CATSPER2: variants seen among roughly 807,000 people sequenced by gnomAD.
The protein encoded by CATSPER2 is cation channel sperm associated 2.
CATSPER2 carries 56 observed loss-of-function variants against 68.8 expected under a neutral mutation model. That is an observed-to-expected ratio of 0.81 (90% CI 0.66 to 1.02). The LOEUF (loss-of-function observed/expected upper bound fraction) is 1.02, where lower values mean the gene tolerates loss of function less well. Among genes scored for constraint, CATSPER2 ranks in the 50% least tolerant of loss-of-function variants. CATSPER2 has a pLI of 0.00. For synonymous variants in CATSPER2, 198 were observed against 229.9 expected (o/e 0.86, Z 1.26); for missense variants, 582 against 642.0 (o/e 0.91, Z 1.01).
intron 7 of CATSPER2, among the ~76,000 whole-genome samples, chr15:43,638,017 C>A (rs1394229589): frequency 6.6e-6 from 1 of 150,534 alleles, no homozygotes; most frequent in Non-Finnish European, 1.5e-5. Context: ...TGCAGTGGCT[C>A]AATCTCAGCT....
Position 43,648,834 on chromosome 15 carries a change from T to C in CATSPER2, c.-208A>G, listed in dbSNP as rs774049579. On this transcript the variant is annotated 5_prime_UTR_variant, in exon 1 of 13. It removes an upstream start codon present in the reference 5' UTR. Transcript: ENST00000396879. ...AGCCCCTACCCACAGCCCAGGACCA[T>C]GCGGAGCAACGCTCGCCCAGCCACT... 3.3e-6 allele frequency: 5 copies of C among 1,529,118 alleles called. No homozygotes were observed. Among genetic ancestry groups the C allele is most frequent in the Non-Finnish European group, 4.4e-6 (5 of 1,142,366 alleles). The allele number at this position is 1,529,118 out of a possible 1,614,324, so 94.7% of individuals were successfully genotyped here.
At position 43,630,729 on chromosome 15, in the gene CATSPER2, T is replaced by C; in HGVS notation, c.1565A>G (p.Gln522Arg). Residue 522 changes from glutamine (Q) to arginine (R), a missense_variant, in exon 13 of 13, where the codon CAG becomes CGG. By Grantham distance (43) the Gln-to-Arg change is conservative. Coordinates refer to ENST00000396879, the MANE Select transcript of CATSPER2 (RefSeq NM_172095.4). ...ERKKLQEFAV[Q>R]ALMNLEDK ...CTTGTCTTCCAAGTTCATCAGTGCC[T>C]GCACTGCAAAGGAAACAGATTGTGA... 1.2e-6 allele frequency: 2 copies of C among 1,612,346 alleles called. No individual in the cohort carries two copies. The highest frequency in any genetic ancestry group is 1.7e-6 in the Non-Finnish European group (2 of 1,179,522).
In CATSPER2 at chr15:43,647,098, T is replaced by A. The variant is rs200118508; in HGVS notation, c.340A>T (p.Ile114Phe). The A allele has an allele frequency of 1.5e-4, 249 of 1,612,694 alleles. 4 individuals carry two copies. The highest frequency in any genetic ancestry group is 2.0e-4 in the Non-Finnish European group (232 of 1,178,956). Residue 114 changes from isoleucine to phenylalanine, a missense_variant, in exon 4 of 13, where the codon ATC becomes TTC. Physicochemically the swap from Ile to Phe is conservative, Grantham distance 21. This residue lies in a region of CATSPER2 where 197 missense variants were observed against 191.0 expected (regional missense o/e 1.03). Transcript: ENST00000396879. ...VLECPLFKNF[I>F]IFLVFLNTII... ...GTATTCAAAAAGACCAGGAAGATGATGAAGTTTTTGAAGAGAGGACCTGTT... is the reference window on the plus strand; with the variant it reads ...GTATTCAAAAAGACCAGGAAGATGAAGAAGTTTTTGAAGAGAGGACCTGTT...
intron 10 of CATSPER2, 108 bp from the exon 11 acceptor site, chr15:43,633,042 T>C: frequency 2.3e-6 from 2 of 853,658 alleles, no homozygotes; most frequent in Non-Finnish European, 3.6e-6. Flanking sequence ...CATAAGACAA[T>C]GAGGGCCAAA....
At chr15:43,643,253 T>G (rs1013290097) in intron 4 of CATSPER2, among the ~76,000 whole-genome samples, 11 of 152,016 alleles carry the variant, frequency 7.2e-5, no homozygotes, top group Non-Finnish European at 1.6e-4. Flanking sequence ...AACTGATATG[T>G]AGATGTTGAC....
chr15:43,637,385 G>A lies in CATSPER2; in HGVS notation c.843-1166C>T, dbSNP rs562011661. Among the ~76,000 whole-genome samples the A allele has an allele frequency of 3.2e-4, 49 of 151,834 alleles. 1 individual carries two copies. Among genetic ancestry groups the A allele is most frequent in the South Asian group, 8.3e-4 (4 of 4,802 alleles). On this transcript the variant is annotated intron_variant, in intron 7 of 12. Transcript: ENST00000396879. ...ACTAAAAAAGTAAAAAGTTTCCAGG[G>A]AGGTATCTAAATTTTCCTACCTTTC...
intron 4 of CATSPER2, among the ~76,000 whole-genome samples, chr15:43,643,407 G>A (rs1169557255): frequency 1.3e-5 from 2 of 150,326 alleles, no homozygotes; most frequent in South Asian, 2.1e-4. Flanking sequence ...CTGCCATCTC[G>A]GCTCACTGCA....
chr15:43,630,832 C>A (rs1464602390), intron 12 of CATSPER2, 100 bp from the exon 13 acceptor site: 24 of 1,604,860 alleles, frequency 1.5e-5, no homozygotes, highest in Admixed American at 5.1e-5. Context: ...GGTTCCCTCA[C>A]AAGTCTTTAC....
Position 43,630,577 on chromosome 15 carries a change from T to C in CATSPER2, c.*124A>G, listed in dbSNP as rs1301566835. On this transcript the variant is annotated 3_prime_UTR_variant, in exon 13 of 13. Coordinates refer to ENST00000396879, the MANE Select transcript of CATSPER2 (RefSeq NM_172095.4). ...TCACCACGCCTGGCCTAGACACTTA[T>C]ACTTTTTAATTTTAATGAACAGACA... The C allele has an allele frequency of 2.5e-6, 4 of 1,595,674 alleles. No homozygotes were observed. The highest frequency in any genetic ancestry group is 1.3e-5 in the African/African-American group (1 of 74,260).
intron 7 of CATSPER2, among the ~76,000 whole-genome samples, chr15:43,638,534 G>A (rs759224746): frequency 1.3e-5 from 2 of 151,494 alleles, no homozygotes; most frequent in East Asian, 1.9e-4. Flanking sequence ...TGATCCACCC[G>A]CCTTGGCCTC....
At position 43,639,700 on chromosome 15, in the gene CATSPER2, G is replaced by A; in HGVS notation, c.660C>T (p.Leu220=). ...TTTGAATTTGACGGAATTGTGCAAG[G>A]AGTTTGAGAGACCTCAGCACCCGGC... is the stretch of plus-strand genomic sequence containing the variant. ...RICRVLRSLK[L]LAQFRQIQII... is the part of the protein sequence containing the mutation. Residue 220 remains leucine (L), a synonymous_variant, in exon 6 of 13, where the codon CTC becomes CTT. Coordinates refer to ENST00000396879, the MANE Select transcript of CATSPER2 (RefSeq NM_172095.4). 6.2e-7 allele frequency: 1 copy of A among 1,613,174 alleles called. No individual in the cohort carries two copies. The highest frequency in any genetic ancestry group is 8.5e-7 in the Non-Finnish European group (1 of 1,179,632).
Position 43,635,842 on chromosome 15 carries a change from A to G in CATSPER2, c.1022-16T>C, listed in dbSNP as rs770585104. On this transcript the variant is annotated splice_polypyrimidine_tract_variant and intron_variant, in intron 8 of 12. Transcript: ENST00000396879. Reference sequence around the variant, plus strand: ...AAGTTAGTAACTGCCCCAAAGGGCCATTAGGAGCTGGGAGATGGTAATGAC... The same window carrying G: ...AAGTTAGTAACTGCCCCAAAGGGCCGTTAGGAGCTGGGAGATGGTAATGAC... The G allele has an allele frequency of 1.2e-6, 2 of 1,607,906 alleles. No individual in the cohort carries two copies. Among genetic ancestry groups the G allele is most frequent in the South Asian group, 2.2e-5 (2 of 90,778 alleles).
intron 9 of CATSPER2, 60 bp from the exon 10 acceptor site, chr15:43,635,476 A>G (rs1419324010): frequency 3.3e-6 from 5 of 1,531,424 alleles, no homozygotes; most frequent in Non-Finnish European, 4.5e-6. Flanking sequence ...GTGTGGTAAG[A>G]AAAAAAAAGT....
chr15:43,648,413 G>T (rs1185710304), intron 1 of CATSPER2, among the ~76,000 whole-genome samples: 1 of 152,040 alleles, frequency 6.6e-6, no homozygotes, highest in East Asian at 1.9e-4. Flanking sequence ...GCTGGACAAA[G>T]AATCTGGGTC....
At position 43,648,058 on chromosome 15, in the gene CATSPER2, C is replaced by T. The variant is rs752069856; in HGVS notation, c.4G>A (p.Ala2Thr). The change falls in exon 2 of 13, where the codon GCC becomes ACC. Residue 2 changes from alanine (A) to threonine (T), a missense_variant. This residue lies in a region of CATSPER2 where 197 missense variants were observed against 191.0 expected (regional missense o/e 1.03). Coordinates refer to ENST00000396879, the MANE Select transcript of CATSPER2 (RefSeq NM_172095.4). Reference protein sequence around the residue: MAAYQQEEQMQL... With the variant: MTAYQQEEQMQL... ...ATCTGCTCTTCTTGTTGGTAAGCGG[C>T]CATGTCTGCTAAGAAAATGTAAGCA... 17 of 1,613,442 alleles carry T rather than the reference C, an allele frequency of 1.1e-5. 1 individual carries two copies. In the South Asian group the frequency reaches 1.9e-4, roughly 18 times the overall value.
At chr15:43,641,371 C>A (rs952373937) in intron 4 of CATSPER2, among the ~76,000 whole-genome samples, 2 of 151,762 alleles carry the variant, frequency 1.3e-5, no homozygotes, top group Non-Finnish European at 2.9e-5. Context: ...CCTCAGCCTC[C>A]CAAAGTGCTG....
chr15:43,643,129 G>C (rs1439050128), intron 4 of CATSPER2: 1 of 151,784 alleles, frequency 6.6e-6, no homozygotes, highest in Non-Finnish European at 1.5e-5. Context: ...GTCATCTATT[G>C]CTACTCCCTA....
chr15:43,647,210 G>A (rs571190953), intron 3 of CATSPER2, 84 bp downstream of exon 3: 2 of 1,568,686 alleles, frequency 1.3e-6, no homozygotes, highest in South Asian at 2.2e-5. Context: ...GTGAAAATGA[G>A]ACAGTGGAGT....
chr15:43,636,735 T>C (rs1026499463), intron 7 of CATSPER2, among the ~76,000 whole-genome samples: 1 of 151,882 alleles, frequency 6.6e-6, no homozygotes, highest in Admixed American at 6.6e-5. Flanking sequence ...ACTCTCACTA[T>C]TCCATTAGTT....
Sources: gnomAD v4.1 joint callset for allele counts (sites outside exome capture counted in the v4.1 genomes callset) on GRCh38, gnomAD v4.1.1 for gene constraint, gnomAD v4.1.1 regional missense constraint, MANE v1.5 for transcripts, NCBI Gene and HGNC (gene_info 2026-07-23, HGNC 2026-07-21) for gene names.